The following NUP98 variants were observed in gnomAD, a reference collection of about 807,000 sequenced individuals.
NUP98 encodes nuclear pore complex protein Nup98-Nup96.
In NUP98, 26 loss-of-function variants were observed where a neutral mutation model predicts 191.9. The observed-to-expected ratio is 0.14, with a 90% CI of 0.10 to 0.19. The LOEUF (loss-of-function observed/expected upper bound fraction) is 0.19, where lower values mean the gene tolerates loss of function less well. Ranked by LOEUF, NUP98 falls within the 10% of genes least tolerant of loss-of-function variation. NUP98 has a pLI of 1.00. For missense variants in NUP98, 1,941 were observed against 2,178.8 expected (o/e 0.89, Z 2.17); for synonymous variants, 808 against 778.4 (o/e 1.04, Z -0.63).
intron 13 of NUP98, among the ~76,000 whole-genome samples, chr11:3,731,951 G>C (rs2079868287): frequency 6.6e-6 from 1 of 152,146 alleles, no homozygotes; most frequent in South Asian, 2.1e-4. Flanking sequence ...TCAATTTTTG[G>C]ATTTGGGAGG....
chr11:3,776,047 C>A, intron 4 of NUP98, 26 bp from the exon 5 acceptor site: 1 of 1,574,954 alleles, frequency 6.3e-7, no homozygotes. Context: ...AAAAATGAGA[C>A]GATAACAGTA....
intron 10 of NUP98, 157 bp downstream of exon 10, chr11:3,760,381 CG>C: frequency 2.8e-6 from 3 of 1,064,830 alleles, no homozygotes; most frequent in Non-Finnish European, 4.2e-6. Flanking sequence ...ATCAAGCTAC[CG>C]CTTACCTGAG....
At chr11:3,720,847 AAAC>A in intron 16 of NUP98, 22 bp from the exon 17 acceptor site, 15 of 960,622 alleles carry the variant, frequency 1.6e-5, no homozygotes, top group Admixed American at 4.5e-5. Flanking sequence ...AAAAAAAAAA[AAAC>A]AGAAAAAAAA....
At chr11:3,722,816 A>AAAAC (rs1311121313) in intron 16 of NUP98, among the ~76,000 whole-genome samples, 9 of 152,178 alleles carry the variant, frequency 5.9e-5, no homozygotes, top group East Asian at 3.8e-4. Flanking sequence ...GTCTCAAGAA[A>AAAAC]AAACAAACAA....
At position 3,723,160 on chromosome 11, in the gene NUP98, C is replaced by CT. The variant is rs2079468753; in HGVS notation, c.2142dup (p.Ala715SerfsTer7). On this transcript the variant is annotated frameshift_variant, in exon 16 of 33. Transcript: ENST00000324932. LOFTEE classifies it high-confidence loss of function. ...CATGCACCAATCTGAACCTGACCTG[C>CT]TGGGTGCATATGGTAAGAATTATTT... The CT allele has an allele frequency of 6.2e-7, 1 of 1,613,512 alleles. No individual in the cohort carries two copies.
intron 1 of NUP98, among the ~76,000 whole-genome samples, chr11:3,788,330 C>T (rs954044407): frequency 2.0e-5 from 3 of 152,176 alleles, no homozygotes; most frequent in East Asian, 1.9e-4. Flanking sequence ...CGGCTAGGCG[C>T]GGTGGCTCAC....
At chr11:3,737,908 A>G (rs2134326797) in intron 12 of NUP98, among the ~76,000 whole-genome samples, 1 of 151,828 alleles carries the variant, frequency 6.6e-6, no homozygotes, top group African/African-American at 2.4e-5. Flanking sequence ...ACAGTACTAC[A>G]GATTAACAGC....
chr11:3,765,157 G>T (rs145163233), intron 8 of NUP98, among the ~76,000 whole-genome samples: 79 of 152,282 alleles, frequency 5.2e-4, no homozygotes, highest in Middle Eastern at 3.4e-3. Context: ...TTTTCACTTT[G>T]ATGATATCCC....
chr11:3,727,560 G>A (rs2079667079), intron 14 of NUP98, among the ~76,000 whole-genome samples: 1 of 152,008 alleles, frequency 6.6e-6, no homozygotes, highest in Non-Finnish European at 1.5e-5. Flanking sequence ...TGGGGTTGGG[G>A]GTAGAAAGAG....
intron 4 of NUP98, among the ~76,000 whole-genome samples, chr11:3,777,667 T>C (rs2081790607): frequency 6.8e-6 from 1 of 147,206 alleles, no homozygotes; most frequent in South Asian, 2.2e-4. Flanking sequence ...GTGCCAGAAA[T>C]GTCACTAAGC....
chr11:3,682,080 C>A (rs1227523767), intron 30 of NUP98, among the ~76,000 whole-genome samples: 1 of 152,222 alleles, frequency 6.6e-6, no homozygotes, highest in Non-Finnish European at 1.5e-5. Context: ...CTTCATGAAG[C>A]AACTTCTGCT....
intron 7 of NUP98, among the ~76,000 whole-genome samples, chr11:3,769,858 A>T (rs1284593111): frequency 6.6e-6 from 1 of 151,850 alleles, no homozygotes; most frequent in Non-Finnish European, 1.5e-5. Flanking sequence ...CCTGGCCAAG[A>T]CGGTAAAACC....
chr11:3,700,598 G>A lies in NUP98; in HGVS notation c.3742+12C>T. ...TGGGACATCAAACATTAGAAACATAGTGTGTACTCACTTTGTGCTTCTGGT... is the reference window on the plus strand; with the variant it reads ...TGGGACATCAAACATTAGAAACATAATGTGTACTCACTTTGTGCTTCTGGT... On this transcript the variant is annotated intron_variant, in intron 24 of 32. Transcript: ENST00000324932. The A allele has an allele frequency of 6.4e-7, 1 of 1,564,934 alleles. No individual in the cohort carries two copies. Among genetic ancestry groups the A allele is most frequent in the Non-Finnish European group, 8.8e-7 (1 of 1,136,538 alleles).
chr11:3,790,981 T>C (rs982581522), intron 1 of NUP98, among the ~76,000 whole-genome samples: 22 of 151,918 alleles, frequency 1.4e-4, no homozygotes, highest in African/African-American at 2.4e-4. Context: ...CTGCAAGCTC[T>C]GCCTCCCAGG....
At chr11:3,719,287 G>A (rs2079304441) in intron 18 of NUP98, 125 bp downstream of exon 18, 1 of 634,454 alleles carries the variant, frequency 1.6e-6, no homozygotes, top group Non-Finnish European at 2.6e-6. Flanking sequence ...TCAAAGTAGA[G>A]ACAATAAATG....
intron 12 of NUP98, among the ~76,000 whole-genome samples, chr11:3,738,815 A>C (rs2080172890): frequency 6.6e-6 from 1 of 151,618 alleles, no homozygotes; most frequent in African/African-American, 2.4e-5. Flanking sequence ...AAAGAAAAGA[A>C]ACCATACATA....
At chr11:3,795,364 T>C (rs2082492502) in intron 1 of NUP98, among the ~76,000 whole-genome samples, 1 of 152,314 alleles carries the variant, frequency 6.6e-6, no homozygotes, top group South Asian at 2.1e-4. Flanking sequence ...GAAGATTGCT[T>C]GAGCCCAGGA....
At chr11:3,685,172 G>T (rs1205915618) in intron 29 of NUP98, among the ~76,000 whole-genome samples, 1 of 148,984 alleles carries the variant, frequency 6.7e-6, no homozygotes, top group Non-Finnish European at 1.5e-5. Context: ...TTCATTTTGT[G>T]TAATTACTGA....
chr11:3,775,844 G>GA (rs770745288), intron 5 of NUP98, 38 bp downstream of exon 5: 21 of 1,595,648 alleles, frequency 1.3e-5, no homozygotes, highest in Non-Finnish European at 1.6e-5. Flanking sequence ...ATACATGCGG[G>GA]AAAAAACATT....
Sources: gnomAD v4.1 joint callset for allele counts (sites outside exome capture counted in the v4.1 genomes callset) on GRCh38, gnomAD v4.1.1 for gene constraint, MANE v1.5 for transcripts, NCBI Gene and HGNC (gene_info 2026-07-23, HGNC 2026-07-21) for gene names.